IMPDH1: variants seen among roughly 807,000 people sequenced by gnomAD.
IMPDH1 encodes inosine monophosphate dehydrogenase 1.
In IMPDH1, 41 loss-of-function variants were observed where a neutral mutation model predicts 73.5. That is an observed-to-expected ratio of 0.56 (90% CI 0.43 to 0.72). The LOEUF (loss-of-function observed/expected upper bound fraction) is 0.72. Ranked by LOEUF, IMPDH1 falls within the 30% of genes least tolerant of loss-of-function variation. The pLI, the probability that IMPDH1 is intolerant of heterozygous loss-of-function variation, is 0.00. For missense variants in IMPDH1, 645 were observed against 824.8 expected (o/e 0.78, Z 2.67); for synonymous variants, 318 against 334.3 (o/e 0.95, Z 0.53).
At chr7:128,408,131 G>T (rs1212345352) in intron 3 of IMPDH1, among the ~76,000 whole-genome samples, 1 of 152,136 alleles carries the variant, frequency 6.6e-6, no homozygotes, top group Non-Finnish European at 1.5e-5. Flanking sequence ...GCCGAGGAAG[G>T]GCTGTTGTTC....
At chr7:128,404,776 G>A (rs1356328937) in intron 4 of IMPDH1, among the ~76,000 whole-genome samples, 2 of 152,092 alleles carry the variant, frequency 1.3e-5, no homozygotes, top group African/African-American at 4.8e-5. Flanking sequence ...AAAGAATTTC[G>A]GCTGCTCCCA....
intron 16 of IMPDH1, among the ~76,000 whole-genome samples, chr7:128,393,525 G>C (rs534996812): frequency 4.7e-4 from 71 of 152,274 alleles, no homozygotes; most frequent in Admixed American, 1.2e-3. Flanking sequence ...AGCTGGATGA[G>C]GGGACACTGC....
chr7:128,404,272 CA>C (rs1340537779), intron 4 of IMPDH1, among the ~76,000 whole-genome samples: 1 of 152,140 alleles, frequency 6.6e-6, no homozygotes, highest in African/African-American at 2.4e-5. Context: ...GGAGGGACCC[CA>C]GGGGGCTGAG....
Position 128,394,709 on chromosome 7 carries a change from C to T in IMPDH1, c.1551-110G>A. On this transcript the variant is annotated intron_variant, in intron 14 of 16. Transcript: ENST00000338791. This position sits in a 1 kb window ranked among gnomAD's most constrained non-coding sequence, Gnocchi z 5.5. ...GCCCAGGAAGGTCCCCCAGGCCACC[C>T]CTCACTGGGCTGAGTCAGATGGCCC... 6.9e-7 allele frequency: 1 copy of T among 1,452,846 alleles called. No individual in the cohort carries two copies. The highest frequency in any genetic ancestry group is 9.5e-7 in the Non-Finnish European group (1 of 1,050,794). 90.0% of individuals were successfully genotyped at this position (1,452,846 alleles called of 1,614,324 possible). A position where few individuals can be genotyped will look rare whatever the true frequency, so the allele number is the denominator to read the frequency against.
intron 4 of IMPDH1, 52 bp downstream of exon 4, chr7:128,405,715 G>C (rs565403591): frequency 2.0e-6 from 3 of 1,511,398 alleles, no homozygotes; most frequent in Non-Finnish European, 2.7e-6. Flanking sequence ...GCCGGCCCGG[G>C]GGTCGCGGCG....
intron 5 of IMPDH1, among the ~76,000 whole-genome samples, chr7:128,401,500 C>T (rs549455106): frequency 3.3e-5 from 5 of 152,084 alleles, no homozygotes; most frequent in Middle Eastern, 6.8e-3. Context: ...CCAGTTCTTT[C>T]GGAGGCACAC....
In IMPDH1 at chr7:128,400,348, G is replaced by T. The variant is rs1426979784; in HGVS notation, c.771C>A (p.Thr257=). ...CTGCAGGTACCTCACTGAGGAGGGT[G>T]GTGTGGTCCTTCTCAGCAAGAAAGT... is the stretch of plus-strand genomic sequence containing the variant. The part of the protein sequence containing the change: ...DIDFLAEKDH[T]TLLSEVMTPR... The change falls in exon 8 of 17, where the codon ACC becomes ACA. Residue 257 remains threonine (T), a synonymous_variant. Transcript: ENST00000338791. 1.2e-6 allele frequency: 2 copies of T among 1,613,280 alleles called. No individual in the cohort carries two copies. Among genetic ancestry groups the T allele is most frequent in the Admixed American group, 1.7e-5 (1 of 59,904 alleles).
In IMPDH1 at chr7:128,409,491, T is replaced by C; in HGVS notation, c.147-7A>G. The C allele has an allele frequency of 6.2e-7, 1 of 1,613,950 alleles. No homozygotes were observed. Among genetic ancestry groups the C allele is most frequent in the East Asian group, 2.2e-5 (1 of 44,866 alleles). On this transcript the variant is annotated splice_region_variant and splice_polypyrimidine_tract_variant and intron_variant, in intron 1 of 16. Coordinates refer to ENST00000338791, the MANE Select transcript of IMPDH1 (RefSeq NM_000883.4). ...AGCGAGGTCCAATCTAGGGCTAAGA[T>C]TTTAGGGAAGGTTTTTACGACCTGT...
Position 128,394,407 on chromosome 7 carries a change from GA to G in IMPDH1, c.1695-47del, listed in dbSNP as rs1797759832. The stretch of plus-strand genomic sequence containing the variant: ...GCAGATCAGGGCCACCAAGGGTGGA[GA>G]AGAGCGAGAGAAAGGAAGCAGGAGC... On this transcript the variant is annotated intron_variant, in intron 15 of 16. Transcript: ENST00000338791. The surrounding 1 kb of genome is among the most constrained non-coding windows in gnomAD (Gnocchi z 5.5). The G allele has an allele frequency of 1.2e-6, 2 of 1,613,534 alleles. No homozygotes were observed. The highest frequency in any genetic ancestry group is 1.7e-6 in the Non-Finnish European group (2 of 1,179,630).
intron 13 of IMPDH1, 49 bp from the exon 14 acceptor site, chr7:128,395,082 C>G (rs781538528): frequency 6.2e-7 from 1 of 1,613,944 alleles, no homozygotes; most frequent in Admixed American, 1.7e-5. Flanking sequence ...TGCCACCCCC[C>G]CAGCTTCCAG....
At chr7:128,405,934 G>A (rs1239348984) in intron 3 of IMPDH1, 69 bp from the exon 4 acceptor site, 4 of 1,378,360 alleles carry the variant, frequency 2.9e-6, no homozygotes, top group Non-Finnish European at 3.8e-6. Context: ...CGCTGCTGCT[G>A]CTGCTACTGC....
chr7:128,409,728 G>A, intron 1 of IMPDH1, 28 bp downstream of exon 1: 3 of 1,525,344 alleles, frequency 2.0e-6, no homozygotes, highest in Non-Finnish European at 2.6e-6. Flanking sequence ...CCCCGGATGC[G>A]CCCCGCGCGC....
intron 5 of IMPDH1, 95 bp downstream of exon 5, chr7:128,403,609 GTC>G (rs1309925848): frequency 3.1e-6 from 3 of 977,354 alleles, no homozygotes; most frequent in African/African-American, 3.2e-5. Context: ...CCCAAGAAAA[GTC>G]TCTCCATCTC....
At chr7:128,403,573 A>AG in intron 5 of IMPDH1, 133 bp downstream of exon 5, 1 of 714,284 alleles carries the variant, frequency 1.4e-6, no homozygotes, top group Non-Finnish European at 2.4e-6. Context: ...AAAAAAAAAA[A>AG]AAGGACTATA....
intron 4 of IMPDH1, among the ~76,000 whole-genome samples, chr7:128,404,475 G>A (rs1798566448): frequency 6.6e-6 from 1 of 152,262 alleles, no homozygotes; most frequent in East Asian, 1.9e-4. Flanking sequence ...CTAGGTGCAG[G>A]GTCACAGCTC....
In IMPDH1 at chr7:128,394,109, CAG is replaced by C. The variant is rs531391244; in HGVS notation, c.1778+167_1778+168del. On this transcript the variant is annotated intron_variant, in intron 16 of 16. Coordinates refer to ENST00000338791, the MANE Select transcript of IMPDH1 (RefSeq NM_000883.4). The surrounding 1 kb of genome is among the most constrained non-coding windows in gnomAD (Gnocchi z 5.5). ...TGCATGGGGACTAAAGGACAAGGAA[CAG>C]GGGGCTGGGCCCCCGAAGAGAGGGT... Among the ~76,000 whole-genome samples the C allele has an allele frequency of 3.0e-4, 46 of 152,290 alleles. 1 individual carries two copies. In the East Asian group the frequency reaches 8.9e-3, roughly 29 times the overall value.
At position 128,409,274 on chromosome 7, in the gene IMPDH1, G is replaced by C; in HGVS notation, c.254+15C>G. 6.2e-7 allele frequency: 1 copy of C among 1,605,900 alleles called. No homozygotes were observed. The highest frequency in any genetic ancestry group is 8.5e-7 in the Non-Finnish European group (1 of 1,173,198). The stretch of plus-strand genomic sequence containing the variant: ...CAGATCTCAGTGCATGGTGAGGAGG[G>C]GAGAGTGTCCTCACCTAGCCCTGCG... On this transcript the variant is annotated intron_variant, in intron 3 of 16. Transcript: ENST00000338791.
At chr7:128,403,875 C>G (rs550292033) in intron 4 of IMPDH1, 121 bp from the exon 5 acceptor site, 17 of 837,040 alleles carry the variant, frequency 2.0e-5, no homozygotes, top group Non-Finnish European at 2.9e-5. Flanking sequence ...GAGGCTACAG[C>G]CCCCCATCCC....
rs989846371 is a variant in IMPDH1, at chr7:128,409,872, C to T, written c.30G>A (p.Leu10=). The T allele has an allele frequency of 3.4e-6, 5 of 1,485,836 alleles. No homozygotes were observed. The highest frequency in any genetic ancestry group is 5.6e-5 in the East Asian group (2 of 35,572). 92.0% of individuals were successfully genotyped at this position (1,485,836 alleles called of 1,614,324 possible). A position where few individuals can be genotyped will look rare whatever the true frequency, so the allele number is the denominator to read the frequency against. The change falls in exon 1 of 17, where the codon CTG becomes CTA. Residue 10 remains leucine, a synonymous_variant. Coordinates refer to ENST00000338791, the MANE Select transcript of IMPDH1 (RefSeq NM_000883.4). ...GAACAGCGGCGGCTCCGCCTCCCTG[C>T]AGCGGTGGTGGAGTGAGTGGCCCCT... The part of the protein sequence containing the change: MEGPLTPPP[L]QGGGAAAVPE...
Sources: gnomAD v4.1 joint callset for allele counts (sites outside exome capture counted in the v4.1 genomes callset) on GRCh38, gnomAD v4.1.1 for gene constraint, Gnocchi (gnomAD v3.1) non-coding constraint, MANE v1.5 for transcripts, NCBI Gene and HGNC (gene_info 2026-07-23, HGNC 2026-07-21) for gene names.